The following NARS2 variants were observed in gnomAD, a reference collection of about 807,000 sequenced individuals.
NARS2 encodes the protein asparaginyl-tRNA synthetase.
Under a neutral mutation model 62.9 loss-of-function variants are expected in NARS2, and 60 were observed. That is an observed-to-expected ratio of 0.95 (90% CI 0.77 to 1.18). NARS2 has a LOEUF of 1.18. Ranked by LOEUF, NARS2 falls within the 50% of genes most tolerant of loss-of-function variation. The pLI, the probability that NARS2 is intolerant of heterozygous loss-of-function variation, is 0.00. For missense variants in NARS2, 619 were observed against 576.4 expected (o/e 1.07, Z -0.76); for synonymous variants, 196 against 200.0 (o/e 0.98, Z 0.17).
intron 6 of NARS2, among the ~76,000 whole-genome samples, chr11:78,514,927 G>C (rs1860847345): frequency 6.6e-6 from 1 of 152,128 alleles, no homozygotes; most frequent in Non-Finnish European, 1.5e-5. Flanking sequence ...GAATTAAGCA[G>C]ATATTTCTAT....
chr11:78,473,514 T>A (rs10899521), intron 9 of NARS2, among the ~76,000 whole-genome samples: 43,672 of 151,982 alleles, frequency 0.29, 7,268 homozygotes, highest in African/African-American at 0.44. Flanking sequence ...AAACTTCAAG[T>A]TTGGTTTTAT....
At chr11:78,451,342 T>C (rs1487346174) in intron 11 of NARS2, among the ~76,000 whole-genome samples, 1 of 152,232 alleles carries the variant, frequency 6.6e-6, no homozygotes, top group Non-Finnish European at 1.5e-5. Context: ...ACTGGGCTAG[T>C]TACTAGAAAA....
At chr11:78,538,994 C>CAAAAAAAAAAAAGAAAAA (rs1855502401) in intron 5 of NARS2, among the ~76,000 whole-genome samples, 1 of 49,764 alleles carries the variant, frequency 2.0e-5, no homozygotes, top group Non-Finnish European at 3.1e-5. Flanking sequence ...GAATCCGTCT[C>CAAAAAAAAAAAAGAAAAA]AAAAAAAAAA....
intron 7 of NARS2, among the ~76,000 whole-genome samples, chr11:78,480,836 T>A (rs1013222894): frequency 1.3e-5 from 2 of 151,764 alleles, no homozygotes; most frequent in Non-Finnish European, 2.9e-5. Flanking sequence ...TTTTTTTTTC[T>A]AAGACAGAGT....
intron 11 of NARS2, among the ~76,000 whole-genome samples, chr11:78,446,419 C>T (rs1053182731): frequency 6.6e-6 from 1 of 152,170 alleles, no homozygotes; most frequent in Non-Finnish European, 1.5e-5. Context: ...CCCTTCTGTC[C>T]TCAGAGCAAG....
At chr11:78,549,971 A>C in intron 5 of NARS2, among the ~76,000 whole-genome samples, 1 of 152,188 alleles carries the variant, frequency 6.6e-6, no homozygotes, top group East Asian at 1.9e-4. Flanking sequence ...TTAAATAGAC[A>C]TTTTTCCAAA....
intron 6 of NARS2, among the ~76,000 whole-genome samples, chr11:78,514,671 G>C (rs1565251019): frequency 6.6e-6 from 1 of 152,158 alleles, no homozygotes; most frequent in Non-Finnish European, 1.5e-5. Flanking sequence ...GGTAACAGAA[G>C]AGTGGAGTCC....
Position 78,568,833 on chromosome 11 carries a change from T to C in NARS2, c.252-81A>G, listed in dbSNP as rs1479164170. The C allele has an allele frequency of 3.5e-6, 4 of 1,133,248 alleles. No individual in the cohort carries two copies. In the African/African-American group the frequency reaches 6.3e-5, roughly 18 times the overall value. The allele number at this position is 1,133,248 out of a possible 1,614,324, so 70.2% of individuals were successfully genotyped here. On this transcript the variant is annotated intron_variant, in intron 2 of 13. Transcript: ENST00000281038. ...AATATCAACTTTGCAATAAGAATAT[T>C]AAAATACTTAATGACAAAAGCTTTT...
chr11:78,531,388 C>G (rs1398525415), intron 5 of NARS2, among the ~76,000 whole-genome samples: 1 of 151,996 alleles, frequency 6.6e-6, no homozygotes, highest in East Asian at 1.9e-4. Flanking sequence ...TCTTTGATAA[C>G]TATGGAACGA....
chr11:78,565,908 T>C (rs374785340), intron 4 of NARS2, among the ~76,000 whole-genome samples: 5 of 152,174 alleles, frequency 3.3e-5, no homozygotes, highest in African/African-American at 1.2e-4. Flanking sequence ...GCGATATCAA[T>C]AGCTGTGTGC....
intron 6 of NARS2, among the ~76,000 whole-genome samples, chr11:78,506,331 C>A (rs1425209982): frequency 6.6e-6 from 1 of 152,116 alleles, no homozygotes; most frequent in Non-Finnish European, 1.5e-5. Context: ...TAGTTATTTA[C>A]CCAAGGGAAA....
At chr11:78,503,887 A>T (rs948256197) in intron 6 of NARS2, among the ~76,000 whole-genome samples, 3 of 152,218 alleles carry the variant, frequency 2.0e-5, no homozygotes, top group African/African-American at 7.2e-5. Flanking sequence ...ATGCTCTGCC[A>T]TGCCAGGCCT....
chr11:78,488,523 G>C (rs545076596), intron 7 of NARS2, among the ~76,000 whole-genome samples: 1 of 152,166 alleles, frequency 6.6e-6, no homozygotes, highest in Non-Finnish European at 1.5e-5. Context: ...TTTTAGCAGT[G>C]TTGGATTTCA....
At position 78,553,540 on chromosome 11, in the gene NARS2, C is replaced by A. The variant is rs868333637; in HGVS notation, c.594+5999G>T. ...CTGACCTCAAGTGATCCATCCAACT[C>A]GGCCTCCCAAAGTGCTGGGATTATA... On this transcript the variant is annotated intron_variant, in intron 5 of 13. Coordinates refer to ENST00000281038, the MANE Select transcript of NARS2 (RefSeq NM_024678.6). Among the ~76,000 whole-genome samples, 54 of 152,266 alleles carry A rather than the reference C, an allele frequency of 3.5e-4. No homozygotes were observed. The Middle Eastern group carries it at 0.017, about 48-fold the overall frequency.
At chr11:78,540,020 T>G (rs767273107) in intron 5 of NARS2, among the ~76,000 whole-genome samples, 22 of 152,218 alleles carry the variant, frequency 1.4e-4, no homozygotes, top group South Asian at 2.1e-4. Context: ...CCTCCCATCC[T>G]AAACAGTCCA....
intron 2 of NARS2, among the ~76,000 whole-genome samples, chr11:78,570,478 C>T (rs992773585): frequency 6.6e-6 from 1 of 152,184 alleles, no homozygotes; most frequent in Non-Finnish European, 1.5e-5. Flanking sequence ...GCCTTGACCT[C>T]CAGGGCTCAA....
chr11:78,567,233 A>G (rs1224766556), intron 3 of NARS2, among the ~76,000 whole-genome samples: 1 of 152,186 alleles, frequency 6.6e-6, no homozygotes, highest in Non-Finnish European at 1.5e-5. Flanking sequence ...GACGCCTAAA[A>G]CCACGGACAG....
chr11:78,480,163 G>A (rs1007831969), intron 7 of NARS2, among the ~76,000 whole-genome samples: 2 of 152,168 alleles, frequency 1.3e-5, no homozygotes, highest in African/African-American at 4.8e-5. Flanking sequence ...GCCTCCCATA[G>A]TACGAGGATT....
chr11:78,496,172 C>T (rs186720265), intron 6 of NARS2, among the ~76,000 whole-genome samples: 26 of 152,148 alleles, frequency 1.7e-4, no homozygotes, highest in Admixed American at 9.2e-4. Flanking sequence ...TGAAAAATTG[C>T]GTAAGAAAGC....
Sources: gnomAD v4.1 joint callset for allele counts (sites outside exome capture counted in the v4.1 genomes callset) on GRCh38, gnomAD v4.1.1 for gene constraint, MANE v1.5 for transcripts, NCBI Gene and HGNC (gene_info 2026-07-23, HGNC 2026-07-21) for gene names.